LRP1B: variants seen among roughly 807,000 people sequenced by gnomAD.
The protein encoded by LRP1B is LDL receptor related protein 1B.
LRP1B carries 217 observed loss-of-function variants against 556.6 expected under a neutral mutation model. The ratio of observed to expected loss-of-function variants is 0.39; its 90% CI spans 0.35 to 0.44. LRP1B has a LOEUF of 0.44. Ranked by LOEUF, LRP1B falls within the 20% of genes least tolerant of loss-of-function variation. The pLI is 1.00. For missense variants in LRP1B, 5,053 were observed against 5,620.8 expected (o/e 0.90, Z 3.23); for synonymous variants, 2,047 against 1,865.8 (o/e 1.10, Z -2.50).
At chr2:141,224,327 A>G (rs1289668786) in intron 6 of LRP1B, among the ~76,000 whole-genome samples, 1 of 152,190 alleles carries the variant, frequency 6.6e-6, no homozygotes. Flanking sequence ...AGTGATTATC[A>G]AAAGTCAAGA....
At chr2:140,285,347 A>G (rs1235450580) in intron 84 of LRP1B, among the ~76,000 whole-genome samples, 1 of 151,022 alleles carries the variant, frequency 6.6e-6, no homozygotes, top group Non-Finnish European at 1.5e-5. Context: ...ATATGTATAT[A>G]TGTGTACATA....
intron 86 of LRP1B, chr2:140,269,356 G>T (rs761015954): frequency 1.4e-4 from 67 of 470,594 alleles, no homozygotes; most frequent in South Asian, 1.0e-3. Flanking sequence ...TGGTCACAGC[G>T]CTGACTTTTA....
chr2:141,110,049 A>AT (rs1229428503), intron 7 of LRP1B, among the ~76,000 whole-genome samples: 1 of 152,148 alleles, frequency 6.6e-6, no homozygotes, highest in African/African-American at 2.4e-5. Flanking sequence ...AAAATAAAAC[A>AT]TTCTTCAAAC....
intron 1 of LRP1B, among the ~76,000 whole-genome samples, chr2:141,914,799 T>A (rs1187141747): frequency 6.6e-6 from 1 of 151,984 alleles, no homozygotes; most frequent in Non-Finnish European, 1.5e-5. Flanking sequence ...ACCAAGTAAG[T>A]GAAGATGTCT....
In LRP1B at chr2:141,673,799, A is replaced by G. The variant is rs540125072; in HGVS notation, c.205+136480T>C. ...ATAGATCATTTCAAATCTATATTACATCATCTACCTAAATTGTCCACTGCA... is the reference window on the plus strand; with the variant it reads ...ATAGATCATTTCAAATCTATATTACGTCATCTACCTAAATTGTCCACTGCA... On this transcript the variant is annotated intron_variant, in intron 2 of 90. Coordinates refer to ENST00000389484, the MANE Select transcript of LRP1B (RefSeq NM_018557.3). Among the ~76,000 whole-genome samples the G allele has an allele frequency of 2.6e-5, 4 of 152,202 alleles. No individual in the cohort carries two copies. The East Asian group carries it at 7.7e-4, about 29-fold the overall frequency.
chr2:141,685,363 G>A (rs10177919), intron 2 of LRP1B, among the ~76,000 whole-genome samples: 34,203 of 151,742 alleles, frequency 0.23, 5,156 homozygotes, highest in African/African-American at 0.43. Context: ...ACTTTAAATT[G>A]ATGATGTCGT....
intron 3 of LRP1B, among the ~76,000 whole-genome samples, chr2:141,461,026 G>A (rs946049205): frequency 7.0e-6 from 1 of 143,788 alleles, no homozygotes; most frequent in Non-Finnish European, 1.5e-5. Flanking sequence ...TAAAGAGTGA[G>A]CTAGACTGGA....
At position 140,524,737 on chromosome 2, in the gene LRP1B, C is replaced by T. The variant is rs150376540; in HGVS notation, c.8026+1107G>A. 4.6e-5 allele frequency among the ~76,000 whole-genome samples: 7 copies of T among 151,820 alleles called. No homozygotes were observed. In the East Asian group the frequency reaches 1.4e-3, roughly 30 times the overall value. Reference sequence around the variant, plus strand: ...ACATGTTCCCAGTTGCAAGTGGGAGCTAAACATTGAGTACACAACGAAGTA... The same window carrying T: ...ACATGTTCCCAGTTGCAAGTGGGAGTTAAACATTGAGTACACAACGAAGTA... On this transcript the variant is annotated intron_variant, in intron 49 of 90. Coordinates refer to ENST00000389484, the MANE Select transcript of LRP1B (RefSeq NM_018557.3).
At chr2:141,584,389 T>C (rs752920869) in intron 2 of LRP1B, among the ~76,000 whole-genome samples, 8 of 152,156 alleles carry the variant, frequency 5.3e-5, no homozygotes, top group Non-Finnish European at 1.0e-4. Flanking sequence ...AGGAGCCAGA[T>C]TTGGTAAGAG....
At chr2:141,234,565 C>A (rs1015941322) in intron 5 of LRP1B, among the ~76,000 whole-genome samples, 1 of 151,826 alleles carries the variant, frequency 6.6e-6, no homozygotes, top group Non-Finnish European at 1.5e-5. Flanking sequence ...TTAGTAGAGA[C>A]TGGGTTTCAC....
At chr2:141,272,918 A>C (rs1403498848) in intron 3 of LRP1B, among the ~76,000 whole-genome samples, 1 of 152,242 alleles carries the variant, frequency 6.6e-6, no homozygotes, top group Admixed American at 6.5e-5. Context: ...ACAATTAAGC[A>C]GTAGATCAAC....
At chr2:142,093,384 T>C (rs1706243603) in intron 1 of LRP1B, among the ~76,000 whole-genome samples, 1 of 152,128 alleles carries the variant, frequency 6.6e-6, no homozygotes, top group African/African-American at 2.4e-5. Flanking sequence ...AAAATTAACC[T>C]TTATCTTACT....
At position 140,600,767 on chromosome 2, in the gene LRP1B, G is replaced by GTTTTTTTT. The variant is rs61336155; in HGVS notation, c.6989+675_6989+682dup. Among the ~76,000 whole-genome samples the GTTTTTTTT allele has an allele frequency of 8.1e-4, 46 of 56,878 alleles. 3 individuals are homozygous for GTTTTTTTT. Among genetic ancestry groups the GTTTTTTTT allele is most frequent in the East Asian group, 3.3e-3 (9 of 2,736 alleles). The allele number at this position is 56,878 out of a possible 152,430, so 37.3% of individuals were successfully genotyped here. On this transcript the variant is annotated intron_variant, in intron 42 of 90. Transcript: ENST00000389484. ...CCTTACCTGTGCTTTGTTCTTCGGG[G>GTTTTTTTT]TTTTTTTTTTTTTTTTTTTTTTTTT... is the stretch of plus-strand genomic sequence containing the variant.
intron 7 of LRP1B, among the ~76,000 whole-genome samples, chr2:141,181,124 C>G (rs1680973663): frequency 6.6e-6 from 1 of 151,834 alleles, no homozygotes; most frequent in East Asian, 1.9e-4. Flanking sequence ...CCAGTTCTGA[C>G]CAAGAAGATA....
intron 1 of LRP1B, among the ~76,000 whole-genome samples, chr2:141,870,650 G>C (rs1043771195): frequency 1.3e-5 from 2 of 151,870 alleles, no homozygotes; most frequent in African/African-American, 4.8e-5. Flanking sequence ...GGGGAACCAA[G>C]TTACTGCCAG....
intron 3 of LRP1B, among the ~76,000 whole-genome samples, chr2:141,285,441 A>T (rs752476559): frequency 6.8e-5 from 10 of 146,872 alleles, no homozygotes; most frequent in Non-Finnish European, 1.5e-4. Context: ...AAAAGGTGAG[A>T]ATAATTTTTT....
chr2:142,085,388 C>T (rs115238550), intron 1 of LRP1B, among the ~76,000 whole-genome samples: 2,489 of 152,252 alleles, frequency 0.016, 69 homozygotes, highest in African/African-American at 0.057. Flanking sequence ...TCATCTCTAC[C>T]GGACTCTGAA....
intron 41 of LRP1B, among the ~76,000 whole-genome samples, chr2:140,640,920 T>A (rs10166217): frequency 6.6e-5 from 10 of 151,908 alleles, no homozygotes; most frequent in Admixed American, 4.6e-4. Flanking sequence ...TATCTTCTGC[T>A]TCTGTGACCA....
At chr2:141,084,941 G>T (rs112480234) in intron 7 of LRP1B, among the ~76,000 whole-genome samples, 5 of 152,092 alleles carry the variant, frequency 3.3e-5, no homozygotes, top group African/African-American at 7.2e-5. Flanking sequence ...GAGCCACCGC[G>T]CCCGGCCTCT....
Sources: allele counts gnomAD v4.1 joint callset (sites outside exome capture counted in the v4.1 genomes callset), GRCh38; gene constraint gnomAD v4.1.1; transcripts MANE v1.5; gene names NCBI Gene and HGNC (gene_info 2026-07-23, HGNC 2026-07-21).